NME7: variants seen among roughly 807,000 people sequenced by gnomAD.
NME7 encodes the protein NME/NM23 family member 7, also known as nucleoside diphosphate kinase 7.
NME7 carries 41 observed loss-of-function variants against 49.1 expected under a neutral mutation model. The observed-to-expected ratio is 0.83, with a 90% confidence interval of 0.65 to 1.08. NME7 has a LOEUF of 1.08. Among genes scored for constraint, NME7 ranks in the 50% least tolerant of loss-of-function variants. The probability of loss-of-function intolerance (pLI) is 0.00; values close to 1 mark genes in which losing one functional copy is unlikely to be tolerated. For synonymous variants in NME7, 139 were observed against 150.6 expected, an observed-to-expected ratio of 0.92 and a Z score of 0.56; for missense variants, 423 against 463.4, an observed-to-expected ratio of 0.91 and a Z score of 0.80.
chr1:169,193,148 A>AAAT (rs1006160521), intron 10 of NME7, among the ~76,000 whole-genome samples: 6 of 151,852 alleles, frequency 4.0e-5, no homozygotes, highest in African/African-American at 1.2e-4. Context: ...CCATCTCCAC[A>AAAT]AATAATAATA....
At chr1:169,195,636 GTTTCTGGGTCAT>G (rs1660357410) in intron 10 of NME7, among the ~76,000 whole-genome samples, 1 of 152,130 alleles carries the variant, frequency 6.6e-6, no homozygotes, top group Non-Finnish European at 1.5e-5. Context: ...TCGTTATCAA[GTTTCTGGGTCAT>G]TAACTGGATA....
At chr1:169,280,697 T>C (rs1649972949) in intron 7 of NME7, among the ~76,000 whole-genome samples, 1 of 147,812 alleles carries the variant, frequency 6.8e-6, no homozygotes. Flanking sequence ...CCCAACACTA[T>C]TTATTAAATA....
At chr1:169,223,598 T>G (rs938042934) in intron 10 of NME7, among the ~76,000 whole-genome samples, 1 of 152,180 alleles carries the variant, frequency 6.6e-6, no homozygotes, top group African/African-American at 2.4e-5. Flanking sequence ...TCACCATTAC[T>G]TTGGCATAAA....
chr1:169,165,946 A>G (rs1659401780), intron 11 of NME7, among the ~76,000 whole-genome samples: 1 of 152,216 alleles, frequency 6.6e-6, no homozygotes, highest in Non-Finnish European at 1.5e-5. Flanking sequence ...TTTTTGATTA[A>G]TTCTCTAAAC....
intron 3 of NME7, among the ~76,000 whole-genome samples, chr1:169,320,503 A>G (rs1651813918): frequency 6.6e-6 from 1 of 152,242 alleles, no homozygotes; most frequent in African/African-American, 2.4e-5. Flanking sequence ...TCTCAACACT[A>G]TACAAAACTG....
intron 5 of NME7, among the ~76,000 whole-genome samples, chr1:169,299,204 A>G (rs1196621038): frequency 1.3e-5 from 2 of 152,094 alleles, no homozygotes; most frequent in Non-Finnish European, 2.9e-5. Flanking sequence ...TTTTTGTGTA[A>G]AACTATTAGA....
intron 1 of NME7, among the ~76,000 whole-genome samples, chr1:169,355,837 CAGAA>C (rs1653452426): frequency 6.6e-6 from 1 of 152,066 alleles, no homozygotes; most frequent in African/African-American, 2.4e-5. Context: ...TGCATCTCCC[CAGAA>C]ATTTTAGCTC....
chr1:169,334,838 G>C (rs571633345), intron 1 of NME7, among the ~76,000 whole-genome samples: 1 of 151,978 alleles, frequency 6.6e-6, no homozygotes, highest in Admixed American at 6.6e-5. Flanking sequence ...CTAATATCCA[G>C]AATTTACAAG....
chr1:169,241,074 A>G (rs916561752), intron 7 of NME7, among the ~76,000 whole-genome samples: 7 of 152,136 alleles, frequency 4.6e-5, no homozygotes, highest in African/African-American at 1.4e-4. Flanking sequence ...AGTGCAAACA[A>G]TTGTGAATAG....
intron 3 of NME7, among the ~76,000 whole-genome samples, chr1:169,316,441 C>T (rs1390700287): frequency 1.3e-5 from 2 of 152,066 alleles, no homozygotes; most frequent in African/African-American, 4.8e-5. Context: ...ATATAGTAGG[C>T]AGAATAACAC....
chr1:169,253,037 C>T (rs1191233543), intron 7 of NME7, among the ~76,000 whole-genome samples: 25 of 150,528 alleles, frequency 1.7e-4, no homozygotes, highest in South Asian at 2.1e-4. Context: ...ATTGACTTGG[C>T]GATGCGGGCT....
At chr1:169,361,387 T>C (rs755636057) in intron 1 of NME7, among the ~76,000 whole-genome samples, 1 of 152,232 alleles carries the variant, frequency 6.6e-6, no homozygotes, top group Non-Finnish European at 1.5e-5. Flanking sequence ...GCCCTGTGCT[T>C]TCTGATTCAC....
At chr1:169,254,228 C>A (rs1171143297) in intron 7 of NME7, among the ~76,000 whole-genome samples, 4 of 151,160 alleles carry the variant, frequency 2.6e-5, no homozygotes, top group African/African-American at 9.7e-5. Context: ...TTGATTCTTG[C>A]CACAATTTCA....
intron 1 of NME7, among the ~76,000 whole-genome samples, chr1:169,342,997 G>GTATATA (rs35893899): frequency 2.9e-4 from 13 of 44,240 alleles, no homozygotes; most frequent in African/African-American, 5.1e-4. Flanking sequence ...ACTTGTATTA[G>GTATATA]TATATATATA....
chr1:169,150,763 GAAAA>G (rs10689301), intron 11 of NME7, among the ~76,000 whole-genome samples: 3 of 124,328 alleles, frequency 2.4e-5, no homozygotes, highest in African/African-American at 9.1e-5. Context: ...GCTGGAAAAG[GAAAA>G]AAAAAAAAAA....
rs1347742156 is a variant in NME7, at chr1:169,274,121, G to A, written c.754+13182C>T. Among the ~76,000 whole-genome samples, 6 of 130,752 alleles carry A rather than the reference G, an allele frequency of 4.6e-5. 3 individuals carry two copies. Among genetic ancestry groups the A allele is most frequent in the Non-Finnish European group, 1.1e-4 (6 of 55,842 alleles). The allele number at this position is 130,752 out of a possible 152,430, so 85.8% of individuals were successfully genotyped here. ...TTCCTATTTCTCCACATCCTCTCCA[G>A]CACCTGTTGTATCCTGACTTTTTAA... is the stretch of plus-strand genomic sequence containing the variant. On this transcript the variant is annotated intron_variant, in intron 7 of 11. Transcript: ENST00000367811.
intron 10 of NME7, among the ~76,000 whole-genome samples, chr1:169,180,381 GCAGA>G (rs1335699528): frequency 2.0e-5 from 3 of 152,174 alleles, no homozygotes; most frequent in Non-Finnish European, 2.9e-5. Flanking sequence ...TGCTGACGAG[GCAGA>G]CAGTTTTTGC....
At chr1:169,181,378 C>T (rs1035946404) in intron 10 of NME7, among the ~76,000 whole-genome samples, 1 of 64,438 alleles carries the variant, frequency 1.6e-5, no homozygotes, top group South Asian at 4.6e-4. Context: ...CACACACACA[C>T]ACACACACAC....
In NME7 at chr1:169,132,785, C is replaced by CTAAT; in HGVS notation, c.1127_1130dup (p.Ter377=). 1.2e-6 allele frequency: 2 copies of CTAAT among 1,613,056 alleles called. No individual in the cohort carries two copies. Among genetic ancestry groups the CTAAT allele is most frequent in the Middle Eastern group, 1.7e-4 (1 of 6,058 alleles). On this transcript the variant is annotated frameshift_variant and stop_retained_variant, in exon 12 of 12. Coordinates refer to ENST00000367811, the MANE Select transcript of NME7 (RefSeq NM_013330.5). LOFTEE classifies it high-confidence loss of function. ...TGTGACTTCTTTACTTTCCACACCA[C>CTAAT]TAATTATCCAAGATCTTGAAGAAGT...
Sources: allele counts gnomAD v4.1 joint callset (sites outside exome capture counted in the v4.1 genomes callset), GRCh38; gene constraint gnomAD v4.1.1; transcripts MANE v1.5; gene names NCBI Gene and HGNC (gene_info 2026-07-23, HGNC 2026-07-21).